The following MYLK variants were observed in gnomAD, a reference collection of about 807,000 sequenced individuals.
MYLK encodes the protein myosin light chain kinase, smooth muscle.
In MYLK, 106 loss-of-function variants were observed where a neutral mutation model predicts 203.4. The ratio of observed to expected loss-of-function variants is 0.52; its 90% CI spans 0.45 to 0.61. The LOEUF (loss-of-function observed/expected upper bound fraction) is 0.61. Among genes scored for constraint, MYLK ranks in the 20% least tolerant of loss-of-function variants. MYLK has a pLI of 0.00. For missense variants in MYLK, 2,072 were observed against 2,442.3 expected, an observed-to-expected ratio of 0.85 and a Z score of 3.20; for synonymous variants, 867 against 959.5, an observed-to-expected ratio of 0.90 and a Z score of 1.78.
At chr3:123,814,372 C>T (rs1305072884) in intron 3 of MYLK, among the ~76,000 whole-genome samples, 3 of 152,178 alleles carry the variant, frequency 2.0e-5, no homozygotes, top group Non-Finnish European at 1.5e-5. Context: ...GCTAGACAGA[C>T]AGTGTCTTGG....
chr3:123,743,917 C>T (rs1393658388), intron 5 of MYLK, among the ~76,000 whole-genome samples: 1 of 152,130 alleles, frequency 6.6e-6, no homozygotes, highest in African/African-American at 2.4e-5. Context: ...GAGAGAGATG[C>T]AATTAATAAT....
Position 123,647,444 on chromosome 3 carries a change from G to A in MYLK, c.4416-17C>T. The stretch of plus-strand genomic sequence containing the variant: ...AATTTCCCACTGCAAATGAAAGGGG[G>A]AGGAGAGAAAAGCCACATTTAGCCA... On this transcript the variant is annotated splice_polypyrimidine_tract_variant and intron_variant, in intron 26 of 33. Coordinates refer to ENST00000360304, the MANE Select transcript of MYLK (RefSeq NM_053025.4). 1 of 1,613,338 alleles carries A rather than the reference G, an allele frequency of 6.2e-7. No homozygotes were observed. The highest frequency in any genetic ancestry group is 2.2e-5 in the East Asian group (1 of 44,884).
chr3:123,709,025 G>A (rs2061576699), intron 14 of MYLK, 130 bp from the exon 15 acceptor site: 1 of 751,698 alleles, frequency 1.3e-6, no homozygotes, highest in East Asian at 2.7e-5. Flanking sequence ...TTCCCCATCA[G>A]TAAAATAGGA....
chr3:123,799,024 C>T (rs910076775), intron 3 of MYLK, among the ~76,000 whole-genome samples: 4 of 152,158 alleles, frequency 2.6e-5, no homozygotes, highest in Non-Finnish European at 4.4e-5. Context: ...CAGAGCAATG[C>T]TCAGTGGCTA....
intron 17 of MYLK, 31 bp from the exon 18 acceptor site, chr3:123,701,036 G>A: frequency 6.3e-7 from 1 of 1,598,128 alleles, no homozygotes; most frequent in South Asian, 1.1e-5. Context: ...AAGGAAAGTA[G>A]CAGGAGGAAA....
At chr3:123,720,665 A>C (rs2062056748) in intron 13 of MYLK, among the ~76,000 whole-genome samples, 2 of 152,210 alleles carry the variant, frequency 1.3e-5, no homozygotes, top group South Asian at 4.1e-4. Context: ...TAAATGAGTA[A>C]GTTTGTAAAC....
chr3:123,843,573 A>C (rs955592064), intron 2 of MYLK, among the ~76,000 whole-genome samples: 5 of 152,192 alleles, frequency 3.3e-5, no homozygotes, highest in African/African-American at 4.8e-5. Flanking sequence ...AACCAAGAAA[A>C]GGGCCTGAAA....
intron 20 of MYLK, chr3:123,681,860 A>G (rs2060276520): frequency 2.9e-6 from 1 of 340,866 alleles, no homozygotes; most frequent in Non-Finnish European, 5.7e-6. Flanking sequence ...CAATCCAGAA[A>G]GAGCCCCTGG....
intron 22 of MYLK, 117 bp from the exon 23 acceptor site, chr3:123,664,375 G>A: frequency 8.4e-6 from 12 of 1,423,434 alleles, no homozygotes; most frequent in East Asian, 2.3e-5. Flanking sequence ...CTGTGGGGGG[G>A]CTCAGTCTGG....
chr3:123,645,949 G>C (rs56768229), intron 27 of MYLK, among the ~76,000 whole-genome samples: 4 of 152,098 alleles, frequency 2.6e-5, no homozygotes, highest in Non-Finnish European at 5.9e-5. Context: ...TTCGAGACCA[G>C]CCTGGGCAAC....
At position 123,615,187 on chromosome 3, in the gene MYLK, G is replaced by A. The variant is rs570220789; in HGVS notation, c.5501-838C>T. On this transcript the variant is annotated intron_variant, in intron 33 of 33. Coordinates refer to ENST00000360304, the MANE Select transcript of MYLK (RefSeq NM_053025.4). ...CATACCTGTAATCCCAGCACTTTGG[G>A]AGGCCAAGGTGGGCAGGAGTTCAAG... Among the ~76,000 whole-genome samples the A allele has an allele frequency of 8.6e-5, 13 of 151,712 alleles. No individual in the cohort carries two copies. In the South Asian group the frequency reaches 1.7e-3, roughly 20 times the overall value.
At chr3:123,750,814 G>A (rs148640096) in intron 5 of MYLK, among the ~76,000 whole-genome samples, 5 of 152,320 alleles carry the variant, frequency 3.3e-5, no homozygotes, top group Non-Finnish European at 7.3e-5. Context: ...GGTCCATCCT[G>A]AGGTTCTGAG....
At chr3:123,742,214 C>T (rs1042197252) in intron 5 of MYLK, among the ~76,000 whole-genome samples, 1 of 152,142 alleles carries the variant, frequency 6.6e-6, no homozygotes, top group Non-Finnish European at 1.5e-5. Flanking sequence ...AAAGACCCAA[C>T]CCATATCCCC....
chr3:123,664,122 A>G lies in MYLK; in HGVS notation c.3968T>C (p.Val1323Ala). Residue 1323 changes from valine to alanine, a missense_variant, in exon 23 of 34, where the codon GTC (valine) becomes GCC (alanine). This residue lies in a region of MYLK where 524 missense variants were observed against 782.4 expected (regional missense o/e 0.67). Coordinates refer to ENST00000360304, the MANE Select transcript of MYLK (RefSeq NM_053025.4). ...ENKLGSRQAQ[V>A]NLTVVDKPDP... Reference sequence around the variant, plus strand: ...AGACTCACCCACGACAGTGAGGTTGACCTGGGCCTGCCTGCTGCCCAGCTT... The same window carrying G: ...AGACTCACCCACGACAGTGAGGTTGGCCTGGGCCTGCCTGCTGCCCAGCTT... 6.2e-7 allele frequency: 1 copy of G among 1,613,948 alleles called. No homozygotes were observed. The highest frequency in any genetic ancestry group is 1.3e-5 in the African/African-American group (1 of 74,998).
intron 3 of MYLK, among the ~76,000 whole-genome samples, chr3:123,824,225 G>T (rs2066036388): frequency 1.3e-5 from 2 of 151,996 alleles, no homozygotes; most frequent in Non-Finnish European, 2.9e-5. Context: ...GAGTAGCTGG[G>T]ATTACAGGCC....
intron 3 of MYLK, among the ~76,000 whole-genome samples, chr3:123,810,059 A>G (rs1489835663): frequency 1.3e-5 from 2 of 152,156 alleles, no homozygotes; most frequent in Non-Finnish European, 2.9e-5. Flanking sequence ...CTCTCAGCAG[A>G]GCAGGAAGAA....
At chr3:123,693,741 A>G (rs931002724) in intron 18 of MYLK, 14 of 152,174 alleles carry the variant, frequency 9.2e-5, no homozygotes, top group Non-Finnish European at 1.5e-4. Flanking sequence ...CCTCTGGGCC[A>G]CCCCTTGGGG....
At chr3:123,821,779 C>T (rs2065945815) in intron 3 of MYLK, among the ~76,000 whole-genome samples, 1 of 152,214 alleles carries the variant, frequency 6.6e-6, no homozygotes, top group Non-Finnish European at 1.5e-5. Context: ...AACCTCATCG[C>T]AATCTCCCAA....
At chr3:123,786,720 A>T (rs1465381232) in intron 4 of MYLK, among the ~76,000 whole-genome samples, 2 of 152,194 alleles carry the variant, frequency 1.3e-5, no homozygotes, top group African/African-American at 4.8e-5. Context: ...CAATGTGTTT[A>T]TTTCACATTG....
Sources: gnomAD v4.1 joint callset for allele counts (sites outside exome capture counted in the v4.1 genomes callset) on GRCh38, gnomAD v4.1.1 for gene constraint, gnomAD v4.1.1 regional missense constraint, MANE v1.5 for transcripts, NCBI Gene and HGNC (gene_info 2026-07-23, HGNC 2026-07-21) for gene names.